The following GCLC variants were observed in gnomAD, a reference collection of about 807,000 sequenced individuals.
GCLC encodes glutamate-cysteine ligase catalytic subunit.
GCLC carries 30 observed loss-of-function variants against 81.5 expected under a neutral mutation model. The ratio of observed to expected loss-of-function variants is 0.37; its 90% CI spans 0.28 to 0.50. The LOEUF (loss-of-function observed/expected upper bound fraction) is 0.50, where lower values mean the gene tolerates loss of function less well. Among genes scored for constraint, GCLC ranks in the 20% least tolerant of loss-of-function variants. GCLC has a pLI of 0.96. For synonymous variants in GCLC, 262 were observed against 273.3 expected (o/e 0.96, Z 0.41); for missense variants, 556 against 777.4 (o/e 0.72, Z 3.39).
At chr6:53,511,201 T>TGGGGG (rs34779369) in intron 6 of GCLC, among the ~76,000 whole-genome samples, 5 of 108,064 alleles carry the variant, frequency 4.6e-5, no homozygotes, top group Admixed American at 8.7e-5. Flanking sequence ...AAAAAAAAAG[T>TGGGGG]GGGGGGGGGG....
intron 6 of GCLC, among the ~76,000 whole-genome samples, chr6:53,512,140 TTG>T (rs993486676): frequency 7.2e-5 from 11 of 151,902 alleles, no homozygotes; most frequent in African/African-American, 2.7e-4. Flanking sequence ...AGATGAGATT[TTG>T]CCATGATGAC....
chr6:53,500,431 C>A lies in GCLC; in HGVS notation c.1477+1G>T, dbSNP rs1764488674. 2 of 1,606,626 alleles carry A rather than the reference C, an allele frequency of 1.2e-6. No homozygotes were observed. The highest frequency in any genetic ancestry group is 1.7e-6 in the Non-Finnish European group (2 of 1,173,076). On this transcript the variant is annotated splice_donor_variant, in intron 13 of 15. Transcript: ENST00000650454. LOFTEE classifies it high-confidence loss of function. ...ATTAGAAATCTAAGATAATGTAATA[C>A]CTTTGCAAATATCTTTCCTGAAATA...
intron 6 of GCLC, chr6:53,512,906 T>C (rs1231405220): frequency 1.3e-5 from 2 of 152,332 alleles, no homozygotes; most frequent in East Asian, 3.9e-4. Flanking sequence ...AACCATGTAC[T>C]GTAAGCTCTA....
chr6:53,529,424 A>G (rs1173798875), intron 1 of GCLC, among the ~76,000 whole-genome samples: 1 of 152,168 alleles, frequency 6.6e-6, no homozygotes, highest in Non-Finnish European at 1.5e-5. Flanking sequence ...TTTATTTCTG[A>G]ACCAAATCTA....
intron 6 of GCLC, chr6:53,513,399 C>T (rs1561942319): frequency 6.6e-6 from 1 of 152,240 alleles, no homozygotes; most frequent in African/African-American, 2.4e-5. Context: ...CAGCCTCTCT[C>T]TTTTACTTCT....
Position 53,500,014 on chromosome 6 carries a change from ATT to A in GCLC, c.1702+29_1702+30del, listed in dbSNP as rs1484276326. On this transcript the variant is annotated intron_variant, in intron 15 of 15. Coordinates refer to ENST00000650454, the MANE Select transcript of GCLC (RefSeq NM_001498.4). ...TCTAAGATTATACCATGCTGTCTATATTATGAGATTAAGAAAAATAGATATCA... is the reference window on the plus strand; with the variant it reads ...TCTAAGATTATACCATGCTGTCTATAATGAGATTAAGAAAAATAGATATCA... 7 of 1,481,132 alleles carry A rather than the reference ATT, an allele frequency of 4.7e-6. No homozygotes were observed. In the Admixed American group the frequency reaches 5.0e-5, roughly 11 times the overall value. The allele number at this position is 1,481,132 out of a possible 1,614,324, so 91.7% of individuals were successfully genotyped here. A position where few individuals can be genotyped will look rare whatever the true frequency, so the allele number is the denominator to read the frequency against.
rs1469996466 is a variant in GCLC, at chr6:53,498,554, C to T, written c.*202G>A. 1.7e-6 allele frequency: 1 copy of T among 583,386 alleles called. No individual in the cohort carries two copies. Among genetic ancestry groups the T allele is most frequent in the Non-Finnish European group, 3.1e-6 (1 of 326,818 alleles). 36.1% of individuals were successfully genotyped at this position (583,386 alleles called of 1,614,324 possible). A position where few individuals can be genotyped will look rare whatever the true frequency, so the allele number is the denominator to read the frequency against. ...TATGTTATTAAAATACATTGTTAAT[C>T]AAAAATACTTTACTATGTACATGTA... On this transcript the variant is annotated 3_prime_UTR_variant, in exon 16 of 16. Coordinates refer to ENST00000650454, the MANE Select transcript of GCLC (RefSeq NM_001498.4).
intron 7 of GCLC, 90 bp downstream of exon 7, chr6:53,509,086 G>C (rs982044776): frequency 1.2e-6 from 1 of 813,894 alleles, no homozygotes; most frequent in African/African-American, 1.7e-5. Context: ...GTCTTAACTG[G>C]ACTTAAATAG....
chr6:53,516,222 T>G lies in GCLC; in HGVS notation c.447A>C (p.Arg149Ser), dbSNP rs1200376883. ...QALCTITSFP[R>S]LGCPGFTLPE... ...GCAGTGTGAACCCAGGACAGCCTAATCTACAACAAATTGAAGAACTAAATA... is the reference window on the plus strand; with the variant it reads ...GCAGTGTGAACCCAGGACAGCCTAAGCTACAACAAATTGAAGAACTAAATA... Residue 149 changes from arginine (R) to serine (S), a missense_variant and splice_region_variant, in exon 4 of 16, where the codon AGA becomes AGC. Arg to Ser is a moderately radical substitution (Grantham distance 110). Transcript: ENST00000650454. The G allele has an allele frequency of 6.3e-7, 1 of 1,582,526 alleles. No homozygotes were observed. The highest frequency in any genetic ancestry group is 1.7e-5 in the Admixed American group (1 of 59,988).
chr6:53,529,826 TG>T (rs1343454246), intron 1 of GCLC, among the ~76,000 whole-genome samples: 3 of 152,224 alleles, frequency 2.0e-5, no homozygotes. Flanking sequence ...GTGAGAATCA[TG>T]GAGAATTTCT....
chr6:53,516,300 C>A, intron 3 of GCLC, 78 bp from the exon 4 acceptor site: 6 of 877,976 alleles, frequency 6.8e-6, no homozygotes, highest in Non-Finnish European at 1.2e-5. Context: ...ATCACTGCAC[C>A]TGCCAAAGAC....
chr6:53,521,308 C>T (rs1172790062), intron 2 of GCLC, among the ~76,000 whole-genome samples: 1 of 152,036 alleles, frequency 6.6e-6, no homozygotes, highest in Non-Finnish European at 1.5e-5. Flanking sequence ...GTGTGCCCTA[C>T]CACACCTGGC....
chr6:53,498,729 T>A lies in GCLC; in HGVS notation c.*27A>T, dbSNP rs748025788. On this transcript the variant is annotated 3_prime_UTR_variant, in exon 16 of 16. Transcript: ENST00000650454. ...CATGGTACTGTAGCCAGTTCGTCAA[T>A]AATGCATTTTTCTTTCTGTAGAATG... is the stretch of plus-strand genomic sequence containing the variant. The A allele has an allele frequency of 5.0e-6, 7 of 1,397,782 alleles. No individual in the cohort carries two copies. The highest frequency in any genetic ancestry group is 7.1e-6 in the Non-Finnish European group (7 of 983,898). The allele number at this position is 1,397,782 out of a possible 1,614,324, so 86.6% of individuals were successfully genotyped here.
chr6:53,534,766 G>A (rs1357469738), intron 1 of GCLC, among the ~76,000 whole-genome samples: 1 of 152,134 alleles, frequency 6.6e-6, no homozygotes, highest in African/African-American at 2.4e-5. Context: ...CAAAAAAGAT[G>A]TGAAAGACCT....
At chr6:53,502,930 T>C (rs1432701780) in intron 12 of GCLC, among the ~76,000 whole-genome samples, 4 of 152,330 alleles carry the variant, frequency 2.6e-5, no homozygotes, top group Admixed American at 2.6e-4. Flanking sequence ...TCTATACTAT[T>C]AATAGTTTTC....
Position 53,498,958 on chromosome 6 carries a change from A to G in GCLC, c.1712T>C (p.Met571Thr). 1 of 1,611,406 alleles carries G rather than the reference A, an allele frequency of 6.2e-7. No homozygotes were observed. ...CTCCCTCATCCATCTGGCAACTGTC[A>G]TTAGTTCTCCTGTGGGCGAGGGGGG... ...LIKKRASGEL[M>T]TVARWMREFI... The change falls in exon 16 of 16, where the codon ATG (methionine) becomes ACG (threonine). Residue 571 changes from methionine (M) to threonine (T), a missense_variant. This residue lies in a region of GCLC where 313 missense variants were observed against 437.3 expected (regional missense o/e 0.72). Coordinates refer to ENST00000650454, the MANE Select transcript of GCLC (RefSeq NM_001498.4).
chr6:53,543,764 A>T (rs945054265), intron 1 of GCLC, among the ~76,000 whole-genome samples: 4 of 152,194 alleles, frequency 2.6e-5, no homozygotes, highest in Non-Finnish European at 1.5e-5. Flanking sequence ...CAACCTACTG[A>T]GAATCTAGAG....
rs903884946 is a variant in GCLC at position 53,497,516 on chromosome 6, A to G, written c.*1240T>C. On this transcript the variant is annotated 3_prime_UTR_variant, in exon 16 of 16. Transcript: ENST00000650454. ...AACAAACCCTAGTATTTAAACATAA[A>G]CAGGGTTAGCTGAAGCAGCTTTATT... 5 of 152,444 alleles carry G rather than the reference A, an allele frequency of 3.3e-5. No individual in the cohort carries two copies. Among genetic ancestry groups the G allele is most frequent in the Admixed American group, 3.3e-4 (5 of 15,268 alleles). 9.4% of individuals were successfully genotyped at this position (152,444 alleles called of 1,614,324 possible).
intron 12 of GCLC, among the ~76,000 whole-genome samples, chr6:53,502,536 T>TTTCA (rs1437059747): frequency 1.3e-5 from 2 of 152,236 alleles, no homozygotes; most frequent in Non-Finnish European, 2.9e-5. Flanking sequence ...GGACCACAGC[T>TTTCA]TTCACATCAT....
Sources: allele counts gnomAD v4.1 joint callset (sites outside exome capture counted in the v4.1 genomes callset), GRCh38; gene constraint gnomAD v4.1.1; regional missense constraint gnomAD v4.1.1; transcripts MANE v1.5; gene names NCBI Gene and HGNC (gene_info 2026-07-23, HGNC 2026-07-21).